Variants in ARG1 observed in about 807,000 individuals in gnomAD.
ARG1 encodes arginase 1.
Under a neutral mutation model 33.0 loss-of-function variants are expected in ARG1, and 20 were observed. The observed-to-expected ratio is 0.61, with a 90% CI of 0.43 to 0.88. ARG1 has a LOEUF of 0.88. Among genes scored for constraint, ARG1 ranks in the 40% least tolerant of loss-of-function variants. The probability of loss-of-function intolerance (pLI) is 0.00; values close to 1 mark genes in which losing one functional copy is unlikely to be tolerated. For missense variants in ARG1, 374 were observed against 384.7 expected, an observed-to-expected ratio of 0.97 and a Z score of 0.23; for synonymous variants, 146 against 140.6, an observed-to-expected ratio of 1.04 and a Z score of -0.27.
In ARG1 at chr6:131,582,606, A is replaced by T; in HGVS notation, c.466-15A>T. On this transcript the variant is annotated splice_polypyrimidine_tract_variant and intron_variant, in intron 4 of 7. Coordinates refer to ENST00000368087, the MANE Select transcript of ARG1 (RefSeq NM_000045.4). The stretch of plus-strand genomic sequence containing the variant: ...GAGAATCATACATAACCAAGTGAAA[A>T]CATTGTAATTTTAGATTCCCGATGT... The T allele has an allele frequency of 6.2e-7, 1 of 1,603,038 alleles. No homozygotes were observed. Among genetic ancestry groups the T allele is most frequent in the South Asian group, 1.1e-5 (1 of 90,822 alleles).
chr6:131,573,237 TTGAC>T lies in ARG1; in HGVS notation c.-39_-36del. 1 of 1,610,226 alleles carries T rather than the reference TTGAC, an allele frequency of 6.2e-7. No individual in the cohort carries two copies. Among genetic ancestry groups the T allele is most frequent in the Non-Finnish European group, 8.5e-7 (1 of 1,176,676 alleles). ...AAGATGCGCCCTCTGTCACTGAGGG[TTGAC>T]TGACTGGAGAGCTCAAGTGCAGCAA... On this transcript the variant is annotated 5_prime_UTR_variant, in exon 1 of 8. Transcript: ENST00000368087.
intron 3 of ARG1, among the ~76,000 whole-genome samples, chr6:131,580,695 C>T (rs1436287428): frequency 2.0e-5 from 3 of 152,104 alleles, no homozygotes; most frequent in Non-Finnish European, 2.9e-5. Flanking sequence ...ACACGCCATA[C>T]GCTGGCTGAA....
chr6:131,579,092 CAA>C lies in ARG1; in HGVS notation c.131-16_131-15del, dbSNP rs1773780707. The C allele has an allele frequency of 6.2e-7, 1 of 1,613,540 alleles. No homozygotes were observed. Among genetic ancestry groups the C allele is most frequent in the Non-Finnish European group, 8.5e-7 (1 of 1,179,742 alleles). ...TAATCTACTTTTTAATTTAGTAACT[CAA>C]AACTTTTTAATTTTAGAGTGTGATG... On this transcript the variant is annotated splice_polypyrimidine_tract_variant and intron_variant, in intron 2 of 7. Coordinates refer to ENST00000368087, the MANE Select transcript of ARG1 (RefSeq NM_000045.4).
At chr6:131,576,526 G>A (rs1214624696) in intron 1 of ARG1, 137 bp from the exon 2 acceptor site, 1 of 777,066 alleles carries the variant, frequency 1.3e-6, no homozygotes, top group Non-Finnish European at 2.2e-6. Flanking sequence ...TAAAAGAGAT[G>A]ATGTAAATTC....
At chr6:131,574,046 C>G in intron 1 of ARG1, 1 of 549,588 alleles carries the variant, frequency 1.8e-6, no homozygotes, top group Non-Finnish European at 3.3e-6. Flanking sequence ...TCCACACATG[C>G]CAGCAACATT....
At chr6:131,574,956 T>C (rs1420383064) in intron 1 of ARG1, among the ~76,000 whole-genome samples, 1 of 152,204 alleles carries the variant, frequency 6.6e-6, no homozygotes, top group African/African-American at 2.4e-5. Flanking sequence ...TTTGCACTGA[T>C]GTCTCTTCAG....
chr6:131,577,438 T>A (rs1325472550), intron 2 of ARG1, among the ~76,000 whole-genome samples: 1 of 152,116 alleles, frequency 6.6e-6, no homozygotes, highest in Non-Finnish European at 1.5e-5. Flanking sequence ...GTACAAGTCT[T>A]TGTGTGGATA....
intron 4 of ARG1, 56 bp from the exon 5 acceptor site, chr6:131,582,565 T>C: frequency 7.5e-7 from 1 of 1,336,328 alleles, no homozygotes; most frequent in South Asian, 1.2e-5. Flanking sequence ...TACCTTTGAA[T>C]GTAGGATTTG....
chr6:131,580,980 A>C (rs1773890271), intron 3 of ARG1, among the ~76,000 whole-genome samples: 1 of 152,154 alleles, frequency 6.6e-6, no homozygotes. Flanking sequence ...GATTTTGGGA[A>C]AAAAAATCAC....
Position 131,584,072 on chromosome 6 carries a change from G to A in ARG1, c.*164G>A. On this transcript the variant is annotated 3_prime_UTR_variant, in exon 8 of 8. Transcript: ENST00000368087. ...TCCCTCTTGGTGTAAAATTCAAGATGTGGAAATTCTAACTTTTTTGAAATT... is the reference window on the plus strand; with the variant it reads ...TCCCTCTTGGTGTAAAATTCAAGATATGGAAATTCTAACTTTTTTGAAATT... The A allele has an allele frequency of 2.5e-6, 2 of 797,582 alleles. No homozygotes were observed. The highest frequency in any genetic ancestry group is 1.9e-6 in the Non-Finnish European group (1 of 524,112). 49.4% of individuals were successfully genotyped at this position (797,582 alleles called of 1,614,324 possible).
rs1774066324 is a variant in ARG1, at chr6:131,583,838, C to T, written c.899C>T (p.Thr300Ile). Residue 300 changes from threonine (T) to isoleucine (I), a missense_variant, in exon 8 of 8, where the codon ACC (threonine) becomes ATC (isoleucine). Thr to Ile is a moderately conservative substitution (Grantham distance 89). Coordinates refer to ENST00000368087, the MANE Select transcript of ARG1 (RefSeq NM_000045.4). The stretch of plus-strand genomic sequence containing the variant: ...ACAGTGAACACAGCAGTTGCAATAA[C>T]CTTGGCTTGTTTCGGACTTGCTCGG... ...TRTVNTAVAI[T>I]LACFGLAREG... 6.2e-7 allele frequency: 1 copy of T among 1,614,114 alleles called. No individual in the cohort carries two copies. The highest frequency in any genetic ancestry group is 8.5e-7 in the Non-Finnish European group (1 of 1,179,980).
At position 131,582,694 on chromosome 6, in the gene ARG1, G is replaced by A. The variant is rs1410564479; in HGVS notation, c.539G>A (p.Arg180Lys). ...SAKDIVYIGL[R>K]DVDPGEHYIL... ...AAGGATATTGTGTATATTGGCTTGA[G>A]AGACGTGGACCCTGGGGAACAGTAA... The change falls in exon 5 of 8, where the codon AGA becomes AAA. Residue 180 changes from arginine (R) to lysine (K), a missense_variant. Physicochemically the swap from Arg to Lys is conservative, Grantham distance 26 (BLOSUM62 2). Transcript: ENST00000368087. The A allele has an allele frequency of 6.2e-7, 1 of 1,613,718 alleles. No individual in the cohort carries two copies.
intron 1 of ARG1, chr6:131,574,182 A>G: frequency 7.7e-7 from 1 of 1,300,722 alleles, no homozygotes; most frequent in South Asian, 1.2e-5. Flanking sequence ...AAATCAAACA[A>G]GACAATGTAT....
chr6:131,573,819 T>C, intron 1 of ARG1: 1 of 222,392 alleles, frequency 4.5e-6, no homozygotes, highest in South Asian at 6.9e-5. Flanking sequence ...TATTATTGTT[T>C]CATGCAACTT....
intron 1 of ARG1, chr6:131,574,144 G>T: frequency 2.1e-6 from 2 of 953,960 alleles, no homozygotes; most frequent in Non-Finnish European, 3.4e-6. Flanking sequence ...ACGCATCTGT[G>T]CTTAAAGAGG....
chr6:131,579,993 G>T (rs1773837864), intron 3 of ARG1, among the ~76,000 whole-genome samples: 2 of 151,978 alleles, frequency 1.3e-5, no homozygotes, highest in South Asian at 2.1e-4. Context: ...TTCATCAAGG[G>T]GTTACATCGC....
chr6:131,574,156 T>TA (rs1216015192), intron 1 of ARG1: 5 of 1,107,652 alleles, frequency 4.5e-6, no homozygotes, highest in Admixed American at 3.5e-5. Flanking sequence ...TTAAAGAGGA[T>TA]AAAAAACAAA....
chr6:131,578,981 C>A, intron 2 of ARG1, 130 bp from the exon 3 acceptor site: 1 of 1,060,060 alleles, frequency 9.4e-7, no homozygotes, highest in South Asian at 1.7e-5. Context: ...CCAAGATTTA[C>A]AGACCTTTCA....
At chr6:131,583,601 CA>C in intron 7 of ARG1, 110 bp downstream of exon 7, 2 of 1,527,430 alleles carry the variant, frequency 1.3e-6, no homozygotes, top group Middle Eastern at 1.8e-4. Context: ...GAATGTCCAT[CA>C]GTCACATGAT....
Sources: gnomAD v4.1 joint callset for allele counts (sites outside exome capture counted in the v4.1 genomes callset) on GRCh38, gnomAD v4.1.1 for gene constraint, MANE v1.5 for transcripts, NCBI Gene and HGNC (gene_info 2026-07-23, HGNC 2026-07-21) for gene names.